PXDNL: variants seen among roughly 807,000 people sequenced by gnomAD.
PXDNL encodes probable oxidoreductase PXDNL.
PXDNL carries 145 observed loss-of-function variants against 150.8 expected under a neutral mutation model. That is an observed-to-expected ratio of 0.96 (90% CI 0.84 to 1.10). The LOEUF (loss-of-function observed/expected upper bound fraction) is 1.10, where lower values mean the gene tolerates loss of function less well. Ranked by LOEUF, PXDNL falls within the 50% of genes least tolerant of loss-of-function variation. The pLI is 0.00. For missense variants in PXDNL, 2,087 were observed against 1,873.9 expected (o/e 1.11, Z -2.10); for synonymous variants, 757 against 725.7 (o/e 1.04, Z -0.69).
At chr8:51,675,792 C>A (rs372165657) in intron 1 of PXDNL, among the ~76,000 whole-genome samples, 299 of 93,030 alleles carry the variant, frequency 3.2e-3, no homozygotes, top group Middle Eastern at 6.8e-3. Flanking sequence ...GGCTCCGTCT[C>A]AAAAAAAAAA....
chr8:51,501,692 A>G (rs1168909182), intron 4 of PXDNL, among the ~76,000 whole-genome samples: 1 of 152,298 alleles, frequency 6.6e-6, no homozygotes, highest in East Asian at 1.9e-4. Context: ...ATATATGCTC[A>G]CATACACTAA....
At chr8:51,565,560 T>C (rs1021732461) in intron 3 of PXDNL, among the ~76,000 whole-genome samples, 2 of 151,526 alleles carry the variant, frequency 1.3e-5, no homozygotes, top group Non-Finnish European at 1.5e-5. Flanking sequence ...TGTGAATAAG[T>C]ATAAAAAAAA....
chr8:51,457,540 C>T lies in PXDNL; in HGVS notation c.940G>A (p.Ala314Thr). Residue 314 changes from alanine (A) to threonine (T), a missense_variant, in exon 9 of 23, where the codon GCC (alanine) becomes ACC (threonine). Transcript: ENST00000356297. ...CTGAGCATGGCACTCTGTGTCTTGGCTTCCCCAGCGGAATTTCTGGCCATG... is the reference window on the plus strand; with the variant it reads ...CTGAGCATGGCACTCTGTGTCTTGGTTTCCCCAGCGGAATTTCTGGCCATG... ...QCMARNSAGEAKTQSAMLRYS... is the reference protein window; with the variant it reads ...QCMARNSAGETKTQSAMLRYS... The T allele has an allele frequency of 6.2e-7, 1 of 1,613,602 alleles. No homozygotes were observed. The highest frequency in any genetic ancestry group is 1.1e-5 in the South Asian group (1 of 91,008).
intron 1 of PXDNL, among the ~76,000 whole-genome samples, chr8:51,775,028 A>G (rs1226797780): frequency 6.6e-6 from 1 of 152,174 alleles, no homozygotes; most frequent in Non-Finnish European, 1.5e-5. Context: ...AGAATGATTT[A>G]TTTCCTTCTA....
chr8:51,371,858 T>C lies in PXDNL; in HGVS notation c.3901+15A>G, dbSNP rs760161538. 3.7e-6 allele frequency: 6 copies of C among 1,605,732 alleles called. No homozygotes were observed. The South Asian group carries it at 6.6e-5, about 18-fold the overall frequency. ...GCACATCAATCCAGATCGTGCTCATTGCATTATTACTGACCTGCACAGCAG... is the reference window on the plus strand; with the variant it reads ...GCACATCAATCCAGATCGTGCTCATCGCATTATTACTGACCTGCACAGCAG... On this transcript the variant is annotated intron_variant, in intron 19 of 22. Coordinates refer to ENST00000356297, the MANE Select transcript of PXDNL (RefSeq NM_144651.5).
chr8:51,520,055 A>G (rs544044219), intron 4 of PXDNL, among the ~76,000 whole-genome samples: 1 of 152,282 alleles, frequency 6.6e-6, no homozygotes, highest in South Asian at 2.1e-4. Flanking sequence ...GGTTGTGGGT[A>G]TCTGCCGGCT....
intron 1 of PXDNL, among the ~76,000 whole-genome samples, chr8:51,700,382 CAT>C (rs1248027925): frequency 6.6e-6 from 1 of 151,650 alleles, no homozygotes; most frequent in Non-Finnish European, 1.5e-5. Flanking sequence ...TGTATAGACA[CAT>C]ACACACAGAG....
chr8:51,421,798 T>C (rs1017854603), intron 14 of PXDNL, among the ~76,000 whole-genome samples: 3 of 152,242 alleles, frequency 2.0e-5, no homozygotes, highest in African/African-American at 7.2e-5. Flanking sequence ...AATATTATTC[T>C]ACAAAAGACA....
chr8:51,424,977 C>G (rs1333533157), intron 13 of PXDNL, among the ~76,000 whole-genome samples: 1 of 152,170 alleles, frequency 6.6e-6, no homozygotes, highest in Non-Finnish European at 1.5e-5. Context: ...TGAGAGAGAC[C>G]AGACATAAGG....
intron 10 of PXDNL, among the ~76,000 whole-genome samples, chr8:51,450,058 A>G (rs1347306379): frequency 1.3e-5 from 2 of 152,166 alleles, no homozygotes; most frequent in African/African-American, 2.4e-5. Context: ...AGTTTTCTGG[A>G]AAGCGGTGGG....
chr8:51,501,608 TCA>T (rs1344265772), intron 4 of PXDNL, among the ~76,000 whole-genome samples: 2 of 151,512 alleles, frequency 1.3e-5, no homozygotes, highest in East Asian at 1.9e-4. Flanking sequence ...TCTCACACAC[TCA>T]CACTGTCATG....
intron 12 of PXDNL, among the ~76,000 whole-genome samples, chr8:51,441,917 T>G (rs1413604560): frequency 6.6e-6 from 1 of 152,030 alleles, no homozygotes; most frequent in African/African-American, 2.4e-5. Context: ...AATACACACA[T>G]GAAGCCTGGG....
chr8:51,633,111 C>T (rs1205077591), intron 2 of PXDNL, among the ~76,000 whole-genome samples: 2 of 152,124 alleles, frequency 1.3e-5, no homozygotes, highest in African/African-American at 4.8e-5. Flanking sequence ...CATATGTACC[C>T]AATGTTTAGC....
intron 19 of PXDNL, among the ~76,000 whole-genome samples, chr8:51,359,215 T>C (rs1806632589): frequency 6.6e-6 from 1 of 152,154 alleles, no homozygotes; most frequent in Non-Finnish European, 1.5e-5. Context: ...AGCCACTTTC[T>C]CAGTGAAAAC....
At chr8:51,721,640 A>G in intron 1 of PXDNL, 2 of 398,400 alleles carry the variant, frequency 5.0e-6, no homozygotes, top group South Asian at 4.1e-5. Context: ...TAATAATAAT[A>G]AAATTAAAAA....
In PXDNL at chr8:51,549,862, C is replaced by A. The variant is rs1172297682; in HGVS notation, c.380+6978G>T. ...CAGAACTAAATGAAATGGAAACAAA[C>A]AATACAATACAAAAGACACAAAAAC... On this transcript the variant is annotated intron_variant, in intron 4 of 22. Transcript: ENST00000356297. Among the ~76,000 whole-genome samples the A allele has an allele frequency of 2.0e-5, 3 of 151,752 alleles. No individual in the cohort carries two copies. The East Asian group carries it at 5.8e-4, about 29-fold the overall frequency.
rs377215251 is a variant in PXDNL, at chr8:51,339,584, C to T, written c.4146+40G>A. On this transcript the variant is annotated intron_variant, in intron 21 of 22. Coordinates refer to ENST00000356297, the MANE Select transcript of PXDNL (RefSeq NM_144651.5). ...AATCTTTTATGTTTAGTTATTCCAA[C>T]GCATACAATAAGGACATGTTATTTG... 448 of 1,586,400 alleles carry T rather than the reference C, an allele frequency of 2.8e-4. 3 individuals carry two copies. In the African/African-American group the frequency reaches 4.8e-3, roughly 17 times the overall value.
chr8:51,517,116 G>A (rs1811557973), intron 4 of PXDNL, among the ~76,000 whole-genome samples: 1 of 152,076 alleles, frequency 6.6e-6, no homozygotes, highest in Non-Finnish European at 1.5e-5. Flanking sequence ...GCTCAGCTCT[G>A]ATTGAATATT....
At chr8:51,607,107 C>T (rs946235170) in intron 2 of PXDNL, among the ~76,000 whole-genome samples, 2 of 152,076 alleles carry the variant, frequency 1.3e-5, no homozygotes, top group African/African-American at 4.8e-5. Context: ...TTACTTGATC[C>T]ACATCTTTAA....
Sources: gnomAD v4.1 joint callset for allele counts (sites outside exome capture counted in the v4.1 genomes callset) on GRCh38, gnomAD v4.1.1 for gene constraint, MANE v1.5 for transcripts, NCBI Gene and HGNC (gene_info 2026-07-23, HGNC 2026-07-21) for gene names.